The following ASPH variants were observed in gnomAD, a reference collection of about 807,000 sequenced individuals.
ASPH encodes aspartate beta-hydroxylase, also known as aspartyl/asparaginyl beta-hydroxylase.
A neutral mutation model predicts 118.4 loss-of-function variants in ASPH; 100 were observed. The ratio of observed to expected loss-of-function variants is 0.84; its 90% CI spans 0.72 to 1.00. ASPH has a LOEUF of 1.00. ASPH is among the 50% of genes least tolerant of loss of function. The pLI is 0.00. For missense variants in ASPH, 920 were observed against 919.5 expected (o/e 1.00, Z -0.01); for synonymous variants, 315 against 325.6 (o/e 0.97, Z 0.35).
chr8:61,648,092 G>A (rs1159429030), intron 5 of ASPH, among the ~76,000 whole-genome samples: 2 of 152,158 alleles, frequency 1.3e-5, no homozygotes. Flanking sequence ...GTGACTGTGG[G>A]CAAATTACTT....
intron 19 of ASPH, among the ~76,000 whole-genome samples, chr8:61,555,402 T>C (rs570196706): frequency 6.6e-6 from 1 of 152,310 alleles, no homozygotes; most frequent in Non-Finnish European, 1.5e-5. Context: ...CAAGTGATTC[T>C]CATGCTTCAG....
intron 21 of ASPH, among the ~76,000 whole-genome samples, chr8:61,538,630 T>C (rs774941338): frequency 1.3e-5 from 2 of 152,226 alleles, no homozygotes; most frequent in Non-Finnish European, 2.9e-5. Flanking sequence ...AAGTCATTCA[T>C]ACACAATGGA....
chr8:61,590,766 T>C (rs534652655), intron 14 of ASPH, among the ~76,000 whole-genome samples: 50 of 152,322 alleles, frequency 3.3e-4, no homozygotes, highest in Non-Finnish European at 5.0e-4. Flanking sequence ...GAATATGGCA[T>C]GAACATTGAC....
intron 13 of ASPH, among the ~76,000 whole-genome samples, chr8:61,628,556 T>C (rs1284207526): frequency 6.6e-6 from 1 of 152,110 alleles, no homozygotes; most frequent in Non-Finnish European, 1.5e-5. Context: ...CCGTCTGGCA[T>C]GCTGTCATGG....
Position 61,691,134 on chromosome 8 carries a change from G to T in ASPH, c.104-6946C>A, listed in dbSNP as rs74321021. On this transcript the variant is annotated intron_variant, in intron 1 of 24. Coordinates refer to ENST00000379454, the MANE Select transcript of ASPH (RefSeq NM_004318.4). ...CTTTCCTCAGATGCCTGTTTTAGGGGCAGTTTTTATCAAAAGCAAACAATA... is the reference window on the plus strand; with the variant it reads ...CTTTCCTCAGATGCCTGTTTTAGGGTCAGTTTTTATCAAAAGCAAACAATA... 3.5e-3 allele frequency among the ~76,000 whole-genome samples: 535 copies of T among 152,264 alleles called. 2 individuals are homozygous for T. Among genetic ancestry groups the T allele is most frequent in the Middle Eastern group, 0.02 (6 of 294 alleles).
chr8:61,648,750 T>C (rs1809358827), intron 5 of ASPH, among the ~76,000 whole-genome samples: 1 of 152,186 alleles, frequency 6.6e-6, no homozygotes, highest in South Asian at 2.1e-4. Context: ...ATCCTCCCTG[T>C]GAAGCAGGTA....
At chr8:61,548,309 C>A in intron 20 of ASPH, 101 bp from the exon 21 acceptor site, 2 of 1,340,074 alleles carry the variant, frequency 1.5e-6, no homozygotes, top group Non-Finnish European at 2.0e-6. Context: ...TACTTTGACA[C>A]ATTTAAATAA....
chr8:61,642,857 G>GAA (rs564151536), intron 10 of ASPH, 31 bp downstream of exon 10: 1,119 of 1,048,478 alleles, frequency 1.1e-3, no homozygotes, highest in South Asian at 1.7e-3. Context: ...AAAAAAAAAA[G>GAA]AAAAAAAAAA....
At chr8:61,586,407 T>G (rs1278284120) in intron 14 of ASPH, among the ~76,000 whole-genome samples, 1 of 152,190 alleles carries the variant, frequency 6.6e-6, no homozygotes, top group Non-Finnish European at 1.5e-5. Context: ...ACACATCTAT[T>G]CTTTTTCATA....
chr8:61,524,988 C>A (rs1361660185), intron 22 of ASPH, among the ~76,000 whole-genome samples: 1 of 152,038 alleles, frequency 6.6e-6, no homozygotes, highest in East Asian at 1.9e-4. Context: ...TTAAAAAATT[C>A]TTGTTGGCAA....
intron 18 of ASPH, among the ~76,000 whole-genome samples, chr8:61,557,875 A>G (rs1263376097): frequency 6.6e-6 from 1 of 152,246 alleles, no homozygotes; most frequent in Non-Finnish European, 1.5e-5. Context: ...ATTGAACTAA[A>G]TTGACACAGA....
intron 21 of ASPH, among the ~76,000 whole-genome samples, chr8:61,528,295 G>A (rs771396538): frequency 1.3e-5 from 2 of 152,000 alleles, no homozygotes; most frequent in Admixed American, 6.6e-5. Flanking sequence ...CCAAGACCAT[G>A]GAAAAGAAAA....
intron 21 of ASPH, among the ~76,000 whole-genome samples, chr8:61,533,635 G>T (rs1317553835): frequency 2.0e-5 from 3 of 152,236 alleles, no homozygotes; most frequent in African/African-American, 7.2e-5. Context: ...TTTAATTGGG[G>T]ATCCTAAAAT....
At chr8:61,646,729 C>T (rs781564752) in intron 6 of ASPH, 21 bp downstream of exon 6, 6 of 1,597,744 alleles carry the variant, frequency 3.8e-6, no homozygotes, top group Non-Finnish European at 5.1e-6. Flanking sequence ...TATCCTAAAA[C>T]TTGAAAAAAA....
intron 14 of ASPH, among the ~76,000 whole-genome samples, chr8:61,586,281 G>A (rs1410999127): frequency 1.3e-5 from 2 of 152,112 alleles, no homozygotes; most frequent in Non-Finnish European, 2.9e-5. Context: ...TTAATTTCCA[G>A]CTGAGCTACA....
chr8:61,518,368 G>A (rs1489010191), intron 22 of ASPH, among the ~76,000 whole-genome samples: 2 of 152,186 alleles, frequency 1.3e-5, no homozygotes, highest in African/African-American at 4.8e-5. Flanking sequence ...TTCACTCGGT[G>A]TTGGACTATT....
At chr8:61,631,453 A>G (rs1855562465) in intron 13 of ASPH, among the ~76,000 whole-genome samples, 1 of 152,240 alleles carries the variant, frequency 6.6e-6, no homozygotes, top group African/African-American at 2.4e-5. Context: ...ATACACAAAT[A>G]TATACCATTG....
intron 3 of ASPH, chr8:61,663,018 T>G (rs1198850079): frequency 1.0e-6 from 1 of 985,306 alleles, no homozygotes; most frequent in Non-Finnish European, 1.2e-6. Flanking sequence ...TTTGCCCTTC[T>G]TCAAGAGAGA....
At chr8:61,606,147 A>C (rs1845515605) in intron 14 of ASPH, among the ~76,000 whole-genome samples, 1 of 152,214 alleles carries the variant, frequency 6.6e-6, no homozygotes, top group Non-Finnish European at 1.5e-5. Flanking sequence ...TCACAGCAGC[A>C]GTTAAAAGGC....
Sources: allele counts gnomAD v4.1 joint callset (sites outside exome capture counted in the v4.1 genomes callset), GRCh38; gene constraint gnomAD v4.1.1; transcripts MANE v1.5; gene names NCBI Gene and HGNC (gene_info 2026-07-23, HGNC 2026-07-21).